Variants in DRD2 observed in about 807,000 individuals in gnomAD.
The protein encoded by DRD2 is D(2) dopamine receptor.
Under a neutral mutation model 38.0 loss-of-function variants are expected in DRD2, and 8 were observed. The ratio of observed to expected loss-of-function variants is 0.21; its 90% CI spans 0.12 to 0.38. The LOEUF is 0.38. Among genes scored for constraint, DRD2 ranks in the 10% least tolerant of loss-of-function variants. The pLI is 1.00. For synonymous variants in DRD2, 230 were observed against 238.6 expected, an observed-to-expected ratio of 0.96 and a Z score of 0.33; for missense variants, 403 against 607.7, an observed-to-expected ratio of 0.66 and a Z score of 3.54.
intron 1 of DRD2, among the ~76,000 whole-genome samples, chr11:113,436,016 G>A (rs536620897): frequency 1.3e-5 from 2 of 152,228 alleles, no homozygotes; most frequent in African/African-American, 2.4e-5. Flanking sequence ...CACAACCCAC[G>A]ATCACACTGC....
intron 1 of DRD2, among the ~76,000 whole-genome samples, chr11:113,445,584 C>T (rs1481809522): frequency 2.0e-5 from 3 of 152,222 alleles, no homozygotes; most frequent in African/African-American, 7.2e-5. Flanking sequence ...TCCTCTTCTC[C>T]TTCACCCTTG....
intron 1 of DRD2, among the ~76,000 whole-genome samples, chr11:113,440,158 C>T (rs1451333646): frequency 1.3e-5 from 2 of 152,188 alleles, no homozygotes; most frequent in Non-Finnish European, 2.9e-5. Flanking sequence ...TCTGTGTATG[C>T]TCGCCTCGCC....
Position 113,437,137 on chromosome 11 carries a change from G to A in DRD2, c.-31-12455C>T, listed in dbSNP as rs184194577. Among the ~76,000 whole-genome samples, 5 of 152,322 alleles carry A rather than the reference G, an allele frequency of 3.3e-5. No individual in the cohort carries two copies. The East Asian group carries it at 9.6e-4, about 29-fold the overall frequency. ...GAACAGCTACTGAGCACCTATTGCA[G>A]GCCAGGCACCACGTGAAGTGCTGGG... is the stretch of plus-strand genomic sequence containing the variant. On this transcript the variant is annotated intron_variant, in intron 1 of 7. Coordinates refer to ENST00000362072, the MANE Select transcript of DRD2 (RefSeq NM_000795.4).
intron 1 of DRD2, among the ~76,000 whole-genome samples, chr11:113,426,787 G>A (rs1950945045): frequency 6.6e-6 from 1 of 152,184 alleles, no homozygotes; most frequent in South Asian, 2.1e-4. Flanking sequence ...AAATCTTCCT[G>A]TTCTAAGGTA....
chr11:113,459,299 T>C (rs866257574), intron 1 of DRD2, among the ~76,000 whole-genome samples: 1 of 152,176 alleles, frequency 6.6e-6, no homozygotes, highest in African/African-American at 2.4e-5. Flanking sequence ...AACACCTTAA[T>C]AGAATATGTG....
chr11:113,433,995 C>T (rs1274618449), intron 1 of DRD2, among the ~76,000 whole-genome samples: 1 of 152,182 alleles, frequency 6.6e-6, no homozygotes, highest in African/African-American at 2.4e-5. Context: ...AACCCTAAGC[C>T]CCTTCCTGCC....
At chr11:113,438,847 T>C (rs1038843381) in intron 1 of DRD2, among the ~76,000 whole-genome samples, 2 of 152,222 alleles carry the variant, frequency 1.3e-5, no homozygotes, top group African/African-American at 4.8e-5. Context: ...CTATCAGGTA[T>C]CATGCAATCA....
chr11:113,470,013 T>C (rs1423023839), intron 1 of DRD2, among the ~76,000 whole-genome samples: 1 of 152,136 alleles, frequency 6.6e-6, no homozygotes, highest in East Asian at 1.9e-4. Context: ...CTGGCCGTTA[T>C]GATGATGAGG....
chr11:113,469,168 AC>A (rs1301583803), intron 1 of DRD2, among the ~76,000 whole-genome samples: 3 of 151,812 alleles, frequency 2.0e-5, no homozygotes, highest in Non-Finnish European at 4.4e-5. Context: ...GGCTTAGTTG[AC>A]CCTGCCTCCC....
At chr11:113,457,020 G>A (rs2119939752) in intron 1 of DRD2, among the ~76,000 whole-genome samples, 1 of 152,278 alleles carries the variant, frequency 6.6e-6, no homozygotes, top group East Asian at 1.9e-4. Flanking sequence ...GCCTCCATGT[G>A]CAGCATTTGA....
At chr11:113,445,071 T>C (rs925398995) in intron 1 of DRD2, among the ~76,000 whole-genome samples, 12 of 152,244 alleles carry the variant, frequency 7.9e-5, no homozygotes, top group Admixed American at 6.5e-4. Flanking sequence ...CCATCACAAG[T>C]GTGAAAATAG....
At chr11:113,436,993 T>TAA in intron 1 of DRD2, among the ~76,000 whole-genome samples, 1 of 152,074 alleles carries the variant, frequency 6.6e-6, no homozygotes, top group Non-Finnish European at 1.5e-5. Flanking sequence ...TGGCCTGGGA[T>TAA]CCTTTCTCAT....
At chr11:113,432,944 T>C (rs986214972) in intron 1 of DRD2, among the ~76,000 whole-genome samples, 2 of 152,144 alleles carry the variant, frequency 1.3e-5, no homozygotes, top group African/African-American at 2.4e-5. Flanking sequence ...GGAGGCAACC[T>C]CAGCAGATGG....
chr11:113,418,135 A>G lies in DRD2; in HGVS notation c.287T>C (p.Val96Ala), dbSNP rs768995013. 2.5e-6 allele frequency: 4 copies of G among 1,612,904 alleles called. No individual in the cohort carries two copies. Among genetic ancestry groups the G allele is most frequent in the Non-Finnish European group, 3.4e-6 (4 of 1,179,084 alleles). The change falls in exon 3 of 8, where the codon GTG (valine) becomes GCG (alanine). Residue 96 changes from valine to alanine, a missense_variant and splice_region_variant. Val to Ala is a moderately conservative substitution (Grantham distance 64, BLOSUM62 0). Transcript: ENST00000362072. ...CCTGCTGAATTTCCACTCACCTACC[A>G]CCTGGGGACAAAGCAACATAATGGA... ...LVMPWVVYLE[V>A]VGEWKFSRIH...
At chr11:113,437,131 A>G (rs1398659118) in intron 1 of DRD2, among the ~76,000 whole-genome samples, 1 of 152,180 alleles carries the variant, frequency 6.6e-6, no homozygotes, top group African/African-American at 2.4e-5. Flanking sequence ...CTGAGCACCT[A>G]TTGCAGGCCA....
intron 1 of DRD2, among the ~76,000 whole-genome samples, chr11:113,461,213 C>T (rs1435120066): frequency 1.3e-5 from 2 of 152,216 alleles, no homozygotes; most frequent in Non-Finnish European, 2.9e-5. Context: ...GAACACCTTG[C>T]TAGCACCATC....
intron 6 of DRD2, chr11:113,413,359 T>C (rs2138158136): frequency 1.9e-6 from 1 of 523,598 alleles, no homozygotes; most frequent in East Asian, 5.4e-5. Context: ...ACACGTGGGC[T>C]CCATATTCTC....
At chr11:113,415,919 G>A (rs55758461) in intron 4 of DRD2, among the ~76,000 whole-genome samples, 7 of 152,222 alleles carry the variant, frequency 4.6e-5, no homozygotes, top group South Asian at 2.1e-4. Context: ...AAGTGAAGCC[G>A]ATGTATCCAG....
At chr11:113,466,428 C>G (rs1212818802) in intron 1 of DRD2, among the ~76,000 whole-genome samples, 1 of 53,008 alleles carries the variant, frequency 1.9e-5, no homozygotes, top group Admixed American at 2.4e-4. Context: ...TCAACAGCCC[C>G]CCCAGTGCAT....
Sources: gnomAD v4.1 joint callset for allele counts (sites outside exome capture counted in the v4.1 genomes callset) on GRCh38, gnomAD v4.1.1 for gene constraint, MANE v1.5 for transcripts, NCBI Gene and HGNC (gene_info 2026-07-23, HGNC 2026-07-21) for gene names.